The following UNC5D variants were observed in gnomAD, a reference collection of about 807,000 sequenced individuals.
UNC5D encodes netrin receptor UNC5D.
A neutral mutation model predicts 105.4 loss-of-function variants in UNC5D; 39 were observed. The observed-to-expected ratio is 0.37, with a 90% CI of 0.29 to 0.48. The LOEUF (loss-of-function observed/expected upper bound fraction) is 0.48. UNC5D is among the 20% of genes least tolerant of loss of function. The pLI, the probability that UNC5D is intolerant of heterozygous loss-of-function variation, is 0.98. For missense variants in UNC5D, 991 were observed against 1,202.4 expected, an observed-to-expected ratio of 0.82 and a Z score of 2.60; for synonymous variants, 452 against 450.4, an observed-to-expected ratio of 1.00 and a Z score of -0.04.
intron 8 of UNC5D, among the ~76,000 whole-genome samples, chr8:35,717,633 C>T (rs1394010312): frequency 6.6e-6 from 1 of 152,154 alleles, no homozygotes; most frequent in East Asian, 1.9e-4. Flanking sequence ...AAGGAGATTT[C>T]ACAATCTCCC....
Position 35,684,599 on chromosome 8 carries a change from TC to T in UNC5D, c.771del (p.Trp258GlyfsTer42). On this transcript the variant is annotated frameshift_variant, in exon 6 of 17. Coordinates refer to ENST00000404895, the MANE Select transcript of UNC5D (RefSeq NM_080872.4). LOFTEE classifies it high-confidence loss of function. ...TCTCTCAGTGAATGGAGGCTGGTCT[TC>T]CTGGACAGAGTGGTCAGCCTGCAAT... ...VVVYVNGGWS[S>X]WTEWSACNVR... 6.2e-7 allele frequency: 1 copy of T among 1,612,564 alleles called. No individual in the cohort carries two copies. The highest frequency in any genetic ancestry group is 8.5e-7 in the Non-Finnish European group (1 of 1,179,674).
chr8:35,584,681 C>T (rs746213551), intron 3 of UNC5D, among the ~76,000 whole-genome samples: 1 of 151,842 alleles, frequency 6.6e-6, no homozygotes, highest in Non-Finnish European at 1.5e-5. Flanking sequence ...AAACTCCTGG[C>T]CTGAAGAGAT....
chr8:35,401,708 C>A (rs1471818792), intron 1 of UNC5D, among the ~76,000 whole-genome samples: 1 of 152,126 alleles, frequency 6.6e-6, no homozygotes, highest in African/African-American at 2.4e-5. Flanking sequence ...AATAAAGAGA[C>A]GTCTTACTAA....
At chr8:35,779,260 T>C (rs1476689407) in intron 16 of UNC5D, among the ~76,000 whole-genome samples, 1 of 152,158 alleles carries the variant, frequency 6.6e-6, no homozygotes, top group Non-Finnish European at 1.5e-5. Flanking sequence ...ACTTAACAAA[T>C]TAAATGTTGG....
chr8:35,774,582 GT>G, intron 16 of UNC5D, 105 bp downstream of exon 16: 1 of 1,393,530 alleles, frequency 7.2e-7, no homozygotes, highest in Non-Finnish European at 9.7e-7. Flanking sequence ...ATTTTTATGA[GT>G]TCCTCTGGCC....
chr8:35,687,787 GATAAA>G (rs1826117450), intron 7 of UNC5D, among the ~76,000 whole-genome samples: 1 of 152,234 alleles, frequency 6.6e-6, no homozygotes, highest in Admixed American at 6.5e-5. Context: ...AAGGCTAAAT[GATAAA>G]ATAACATATT....
rs1032731518 is a variant in UNC5D at position 35,672,775 on chromosome 8, T to C, written c.571-10772T>C. 5.3e-5 allele frequency among the ~76,000 whole-genome samples: 8 copies of C among 152,170 alleles called. No homozygotes were observed. In the South Asian group the frequency reaches 1.2e-3, roughly 24 times the overall value. On this transcript the variant is annotated intron_variant, in intron 4 of 16. Transcript: ENST00000404895. The stretch of plus-strand genomic sequence containing the variant: ...TCTTCACTCATGACAGTGTTACAGT[T>C]TCAGTAAACAGTGGATGAGGATGTT...
At chr8:35,690,433 A>G (rs1338596156) in intron 7 of UNC5D, among the ~76,000 whole-genome samples, 1 of 152,124 alleles carries the variant, frequency 6.6e-6, no homozygotes, top group Non-Finnish European at 1.5e-5. Flanking sequence ...GTTCAAGACC[A>G]GCCTGGGCAA....
At chr8:35,404,197 T>C (rs766118091) in intron 1 of UNC5D, among the ~76,000 whole-genome samples, 16 of 152,128 alleles carry the variant, frequency 1.1e-4, no homozygotes, top group Non-Finnish European at 2.1e-4. Flanking sequence ...GATAACAGTA[T>C]GTGGAGATGG....
At chr8:35,678,587 TTTA>T (rs1324130043) in intron 4 of UNC5D, among the ~76,000 whole-genome samples, 16 of 152,212 alleles carry the variant, frequency 1.1e-4, no homozygotes, top group Admixed American at 8.5e-4. Context: ...CATACATATG[TTTA>T]TTATTGTTTT....
chr8:35,460,311 A>C (rs1293537497), intron 1 of UNC5D, among the ~76,000 whole-genome samples: 1 of 152,148 alleles, frequency 6.6e-6, no homozygotes, highest in African/African-American at 2.4e-5. Context: ...CTCCCCAGGG[A>C]GGCTTTCTTG....
chr8:35,413,963 A>C (rs902180953), intron 1 of UNC5D, among the ~76,000 whole-genome samples: 1 of 152,180 alleles, frequency 6.6e-6, no homozygotes, highest in South Asian at 2.1e-4. Flanking sequence ...TTTAAAAAAG[A>C]CTTGTTCTAG....
At chr8:35,733,431 C>G (rs928586767) in intron 11 of UNC5D, among the ~76,000 whole-genome samples, 1 of 152,166 alleles carries the variant, frequency 6.6e-6, no homozygotes, top group Non-Finnish European at 1.5e-5. Flanking sequence ...TTGGGCTGTA[C>G]GTCTGCCATC....
intron 1 of UNC5D, among the ~76,000 whole-genome samples, chr8:35,488,707 G>T (rs1250566935): frequency 6.6e-6 from 1 of 152,132 alleles, no homozygotes; most frequent in Non-Finnish European, 1.5e-5. Context: ...TTTCCTGTTT[G>T]GCTCTCATGA....
At chr8:35,595,511 T>C in intron 3 of UNC5D, 43 bp from the exon 4 acceptor site, 1 of 1,587,044 alleles carries the variant, frequency 6.3e-7, no homozygotes, top group Non-Finnish European at 8.7e-7. Flanking sequence ...TGAATAACAC[T>C]AGACTTGAAA....
chr8:35,705,810 C>A, intron 7 of UNC5D, 119 bp from the exon 8 acceptor site: 1 of 561,276 alleles, frequency 1.8e-6, no homozygotes, highest in South Asian at 2.3e-5. Flanking sequence ...TCCTGTTGTC[C>A]ATAAAAATGG....
chr8:35,606,074 G>C (rs1010938135), intron 4 of UNC5D, among the ~76,000 whole-genome samples: 2 of 149,670 alleles, frequency 1.3e-5, no homozygotes, highest in Non-Finnish European at 3.0e-5. Flanking sequence ...TGCAACCTCT[G>C]CCTCCTGGGT....
Position 35,686,562 on chromosome 8 carries a change from G to C in UNC5D, c.937G>C (p.Val313Leu). The C allele has an allele frequency of 6.3e-7, 1 of 1,587,274 alleles. No homozygotes were observed. The highest frequency in any genetic ancestry group is 8.5e-7 in the Non-Finnish European group (1 of 1,171,682). Residue 313 changes from valine to leucine, a missense_variant, in exon 7 of 17, where the codon GTG becomes CTG. Physicochemically the swap from Val to Leu is conservative, Grantham distance 32. Around this residue, in one of 3 missense-constraint regions of UNC5D, gnomAD observed 944 missense variants for 1,131.6 expected, o/e 0.83. Transcript: ENST00000404895. The stretch of plus-strand genomic sequence containing the variant: ...CTTTGAAGTGGATGGGAGCTGGGAA[G>C]TGTGGAGCGAATGGTCCGTCTGCAG... Reference protein sequence around the residue: ...SLCPVDGSWEVWSEWSVCSPE... With the variant: ...SLCPVDGSWELWSEWSVCSPE...
In UNC5D at chr8:35,487,291, G is replaced by T. The variant is rs151015068; in HGVS notation, c.104-62001G>T. Among the ~76,000 whole-genome samples the T allele has an allele frequency of 1.6e-3, 236 of 151,484 alleles. 1 individual carries two copies. The highest frequency in any genetic ancestry group is 5.4e-3 in the African/African-American group (223 of 41,494). On this transcript the variant is annotated intron_variant, in intron 1 of 16. Transcript: ENST00000404895. ...TTATTCTAGGTGTTTCTGTGAAGGT[G>T]TGGTTTTGGGTGAGATTAACATTTA...
Sources: gnomAD v4.1 joint callset for allele counts (sites outside exome capture counted in the v4.1 genomes callset) on GRCh38, gnomAD v4.1.1 for gene constraint, gnomAD v4.1.1 regional missense constraint, MANE v1.5 for transcripts, NCBI Gene and HGNC (gene_info 2026-07-23, HGNC 2026-07-21) for gene names.